TTC34: variants seen among roughly 807,000 people sequenced by gnomAD.
TTC34 encodes tetratricopeptide repeat domain 34.
TTC34 carries 44 observed loss-of-function variants against 40.7 expected under a neutral mutation model. That is an observed-to-expected ratio of 1.08 (90% confidence interval 0.85 to 1.39). The LOEUF (loss-of-function observed/expected upper bound fraction) is 1.39. Ranked by LOEUF, TTC34 falls within the 40% of genes most tolerant of loss-of-function variation. The pLI, the probability that TTC34 is intolerant of heterozygous loss-of-function variation, is 0.00. For synonymous variants in TTC34, 422 were observed against 398.6 expected, an observed-to-expected ratio of 1.06 and a Z score of -0.70; for missense variants, 884 against 838.0, an observed-to-expected ratio of 1.05 and a Z score of -0.68.
chr1:2,750,931 AG>A, intron 6 of TTC34, among the ~76,000 whole-genome samples: 1 of 108,828 alleles, frequency 9.2e-6, no homozygotes, highest in Non-Finnish European at 1.8e-5. Context: ...CCACACCTTC[AG>A]GCGAGCATCG....
intron 6 of TTC34, among the ~76,000 whole-genome samples, chr1:2,780,826 G>T (rs1482345377): frequency 6.6e-6 from 1 of 152,096 alleles, no homozygotes; most frequent in African/African-American, 2.4e-5. Flanking sequence ...AGATTGCATT[G>T]AATCTGTAGA....
At chr1:2,673,399 C>T (rs560759694) in intron 6 of TTC34, among the ~76,000 whole-genome samples, 2 of 79,336 alleles carry the variant, frequency 2.5e-5, no homozygotes, top group African/African-American at 8.9e-5. Flanking sequence ...CCCACACCCC[C>T]AGGTGAGCAT....
At chr1:2,694,858 A>C in intron 6 of TTC34, among the ~76,000 whole-genome samples, 1 of 92,734 alleles carries the variant, frequency 1.1e-5, no homozygotes, top group South Asian at 3.3e-4. Context: ...GATGGTCTGG[A>C]GCAGCACCCA....
chr1:2,773,210 G>A (rs1453318729), intron 6 of TTC34, among the ~76,000 whole-genome samples: 74 of 28,448 alleles, frequency 2.6e-3, no homozygotes, highest in East Asian at 4.6e-3. Flanking sequence ...CTGGAGCAGC[G>A]CCCACACCCC....
At chr1:2,695,694 C>A (rs1640830182) in intron 6 of TTC34, among the ~76,000 whole-genome samples, 1 of 151,404 alleles carries the variant, frequency 6.6e-6, no homozygotes, top group African/African-American at 2.4e-5. Context: ...GAGCATCTGA[C>A]AGCCTGGAAC....
At chr1:2,753,077 C>G (rs1641378581) in intron 6 of TTC34, among the ~76,000 whole-genome samples, 1 of 148,810 alleles carries the variant, frequency 6.7e-6, no homozygotes, top group Non-Finnish European at 1.5e-5. Flanking sequence ...ATCTGACAGC[C>G]TGGAACGGCA....
intron 6 of TTC34, among the ~76,000 whole-genome samples, chr1:2,684,968 G>A (rs1292922373): frequency 1.4e-5 from 2 of 142,094 alleles, no homozygotes; most frequent in South Asian, 2.1e-4. Context: ...CCCCAGACGA[G>A]CATCTGACAG....
At chr1:2,749,119 C>G (rs1569684934) in intron 6 of TTC34, among the ~76,000 whole-genome samples, 22 of 131,730 alleles carry the variant, frequency 1.7e-4, no homozygotes, top group African/African-American at 4.6e-4. Context: ...GCAGCACCCA[C>G]ACCCCCAGGT....
chr1:2,797,927 A>C (rs560869820), intron 2 of TTC34, among the ~76,000 whole-genome samples: 1 of 152,124 alleles, frequency 6.6e-6, no homozygotes, highest in Admixed American at 6.5e-5. Context: ...ACTCTCAGAC[A>C]TGTGGTTTCT....
chr1:2,792,185 G>T (rs1184866028), intron 2 of TTC34, among the ~76,000 whole-genome samples: 1 of 151,406 alleles, frequency 6.6e-6, no homozygotes, highest in Non-Finnish European at 1.5e-5. Flanking sequence ...GTTTTTTGGA[G>T]TTGGAGTCTC....
At chr1:2,684,508 C>G (rs1378639323) in intron 6 of TTC34, among the ~76,000 whole-genome samples, 2 of 148,270 alleles carry the variant, frequency 1.3e-5, no homozygotes, top group Non-Finnish European at 3.0e-5. Flanking sequence ...CCTGGAACGG[C>G]ACCCACACCC....
chr1:2,691,289 G>A (rs374954762), intron 6 of TTC34, among the ~76,000 whole-genome samples: 12 of 52,678 alleles, frequency 2.3e-4, no homozygotes, highest in Admixed American at 5.5e-4. Context: ...ACAGCCTGGA[G>A]CAGCACCCAC....
At chr1:2,787,442 A>G (rs1557690885) in intron 4 of TTC34, 39 bp downstream of exon 4, 1 of 1,442,432 alleles carries the variant, frequency 6.9e-7, no homozygotes, top group Non-Finnish European at 9.2e-7. Flanking sequence ...AGCTGGGCCC[A>G]TTTCCACCTG....
rs1553171534 is a variant in TTC34, at chr1:2,792,033, T to TTTTTTTTTTTTTTTTTTA, written c.785-1688_785-1687insTAAAAAAAAAAAAAAAAA. 1.2e-4 allele frequency among the ~76,000 whole-genome samples: 13 copies of TTTTTTTTTTTTTTTTTTA among 107,164 alleles called. 1 individual carries two copies. The highest frequency in any genetic ancestry group is 1.2e-3 in the East Asian group (4 of 3,478). 70.3% of individuals were successfully genotyped at this position (107,164 alleles called of 152,430 possible). A position where few individuals can be genotyped will look rare whatever the true frequency, so the allele number is the denominator to read the frequency against. ...TTTTTTTTTTTTTTTTTTTTTTTTT[T>TTTTTTTTTTTTTTTTTTA]AAAGACAGGGTCTTGCTCCATCACC... On this transcript the variant is annotated intron_variant, in intron 2 of 8. Transcript: ENST00000401095.
chr1:2,753,477 G>C (rs1641395329), intron 6 of TTC34, among the ~76,000 whole-genome samples: 1 of 74,398 alleles, frequency 1.3e-5, no homozygotes. Flanking sequence ...GCACGTGACA[G>C]CTTGGATCAG....
intron 6 of TTC34, among the ~76,000 whole-genome samples, chr1:2,699,573 C>G (rs1311467782): frequency 1.0e-4 from 14 of 133,560 alleles, no homozygotes; most frequent in African/African-American, 2.9e-4. Context: ...AGCACCCACA[C>G]CCCCAGGTGA....
In TTC34 at chr1:2,644,380, T is replaced by A. The variant is rs1193848481; in HGVS notation, c.2596A>T (p.Lys866Ter). ...CTTGCAGCCCCTGGCACGTCTCCCTTCTTGAGCTGGAGCAGGCCCAGCCGG... is the reference window on the plus strand; with the variant it reads ...CTTGCAGCCCCTGGCACGTCTCCCTACTTGAGCTGGAGCAGGCCCAGCCGG... The change falls in exon 8 of 9, where the codon AAG becomes TAG. Residue 866 changes from lysine to a stop codon, truncating the protein, a stop_gained. Coordinates refer to ENST00000401095, the Ensembl canonical transcript of TTC34. LOFTEE classifies it high-confidence loss of function. 2 of 1,535,932 alleles carry A rather than the reference T, an allele frequency of 1.3e-6. No individual in the cohort carries two copies. The highest frequency in any genetic ancestry group is 1.4e-5 in the African/African-American group (1 of 73,136).
exon 3 of TTC34, chr1:2,789,713 G>A: frequency 2.8e-6 from 3 of 1,059,550 alleles, no homozygotes; most frequent in Non-Finnish European, 3.7e-6. Context: ...ATAGTCCAGC[G>A]TGCCCAGGAA....
rs368485859 is a variant in TTC34 at position 2,686,309 on chromosome 1, C to T, written c.2227-40746G>A. Among the ~76,000 whole-genome samples the T allele has an allele frequency of 4.1e-5, 6 of 146,680 alleles. No homozygotes were observed. In the South Asian group the frequency reaches 1.3e-3, roughly 32 times the overall value. On this transcript the variant is annotated intron_variant, in intron 6 of 8. Transcript: ENST00000401095. ...CAGGCGAGCATCTGAACGCACGGAGCAGCACCCACACCTCCAGGCGAGCAT... is the reference window on the plus strand; with the variant it reads ...CAGGCGAGCATCTGAACGCACGGAGTAGCACCCACACCTCCAGGCGAGCAT...
Sources: gnomAD v4.1 joint callset for allele counts (sites outside exome capture counted in the v4.1 genomes callset) on GRCh38, gnomAD v4.1.1 for gene constraint, MANE v1.5 for transcripts, NCBI Gene and HGNC (gene_info 2026-07-23, HGNC 2026-07-21) for gene names.